TRAM1: variants seen among roughly 807,000 people sequenced by gnomAD.
TRAM1 encodes the protein translocation associated membrane protein 1.
In TRAM1, 17 loss-of-function variants were observed where a neutral mutation model predicts 48.7. The observed-to-expected ratio is 0.35, with a 90% CI of 0.24 to 0.52. The LOEUF is 0.52. TRAM1 is among the 20% of genes least tolerant of loss of function. The probability of loss-of-function intolerance (pLI) is 0.94; values close to 1 mark genes in which losing one functional copy is unlikely to be tolerated. For missense variants in TRAM1, 351 were observed against 441.5 expected (o/e 0.79, Z 1.84); for synonymous variants, 182 against 154.0 (o/e 1.18, Z -1.34).
chr8:70,590,749 G>A (rs1352077522), intron 6 of TRAM1, among the ~76,000 whole-genome samples: 1 of 152,178 alleles, frequency 6.6e-6, no homozygotes, highest in Non-Finnish European at 1.5e-5. Context: ...ACCATCAAAT[G>A]CCTATGCAAA....
Position 70,608,141 on chromosome 8 carries a change from A to C in TRAM1, c.59T>G (p.Leu20Arg). 1.3e-6 allele frequency: 2 copies of C among 1,599,754 alleles called. No individual in the cohort carries two copies. Among genetic ancestry groups the C allele is most frequent in the Non-Finnish European group, 1.7e-6 (2 of 1,174,028 alleles). The change falls in exon 1 of 11, where the codon CTG becomes CGG. Residue 20 changes from leucine to arginine, a missense_variant. Transcript: ENST00000262213. ...GGAGACGATGTCCGCGTGATTCTGC[A>C]GGACGAATTCGTGGCTCAGCACTGG... ...SPPVLSHEFV[L>R]QNHADIVSCV...
At chr8:70,606,803 A>C (rs1817729502) in intron 1 of TRAM1, 1 of 782,820 alleles carries the variant, frequency 1.3e-6, no homozygotes, top group South Asian at 5.8e-5. Flanking sequence ...GGCGAAAATA[A>C]GGTTAAAATA....
chr8:70,603,535 G>A (rs1282888107), intron 1 of TRAM1, among the ~76,000 whole-genome samples: 5 of 152,122 alleles, frequency 3.3e-5, no homozygotes, highest in African/African-American at 1.2e-4. Context: ...TGGCCAACAT[G>A]GTGAAACCTC....
At chr8:70,578,919 G>A (rs774883532) in intron 10 of TRAM1, among the ~76,000 whole-genome samples, 3 of 152,146 alleles carry the variant, frequency 2.0e-5, no homozygotes, top group Non-Finnish European at 2.9e-5. Flanking sequence ...TGCTTTCCAC[G>A]GTTTCAGTTA....
chr8:70,578,601 C>G (rs1207331228), intron 10 of TRAM1, among the ~76,000 whole-genome samples: 1 of 152,220 alleles, frequency 6.6e-6, no homozygotes, highest in East Asian at 1.9e-4. Flanking sequence ...CCACTGCACT[C>G]CAGCCTGGGC....
chr8:70,589,410 A>G (rs538401020), intron 6 of TRAM1, among the ~76,000 whole-genome samples: 2 of 152,358 alleles, frequency 1.3e-5, no homozygotes, highest in East Asian at 3.9e-4. Context: ...ACTTAGTATT[A>G]TCAATGCAAT....
intron 10 of TRAM1, among the ~76,000 whole-genome samples, chr8:70,580,228 T>A (rs1488670803): frequency 6.6e-6 from 1 of 152,170 alleles, no homozygotes; most frequent in Admixed American, 6.5e-5. Context: ...ATCTTGATAC[T>A]AAAACCAGAC....
chr8:70,583,738 A>G lies in TRAM1; in HGVS notation c.802T>C (p.Ser268Pro). 1 of 1,604,326 alleles carries G rather than the reference A, an allele frequency of 6.2e-7. No individual in the cohort carries two copies. The highest frequency in any genetic ancestry group is 8.5e-7 in the Non-Finnish European group (1 of 1,177,024). The change falls in exon 9 of 11, where the codon TCA becomes CCA. Residue 268 changes from serine to proline, a missense_variant. By Grantham distance (74) the Ser-to-Pro change is moderately conservative (BLOSUM62 -1). Coordinates refer to ENST00000262213, the MANE Select transcript of TRAM1 (RefSeq NM_014294.6). The stretch of plus-strand genomic sequence containing the variant: ...AGGCCAAAACCAACAGTCAGTACTG[A>G]AAGAATTAAAGTCAGAAGTCTTCCC... ...VLGRLLTLIL[S>P]VLTVGFGLAR...
chr8:70,606,889 G>T, intron 1 of TRAM1: 1 of 984,670 alleles, frequency 1.0e-6, no homozygotes, highest in Non-Finnish European at 1.2e-6. Context: ...TTTGGTCACT[G>T]GTAATATCAT....
intron 1 of TRAM1, among the ~76,000 whole-genome samples, chr8:70,600,877 T>A (rs911587476): frequency 6.6e-6 from 1 of 152,032 alleles, no homozygotes; most frequent in East Asian, 1.9e-4. Flanking sequence ...CAAAGGGGGA[T>A]GAAGAGGACA....
intron 10 of TRAM1, among the ~76,000 whole-genome samples, chr8:70,580,455 A>G (rs1397106359): frequency 6.6e-6 from 1 of 152,198 alleles, no homozygotes; most frequent in Admixed American, 6.5e-5. Context: ...AAACCCCACA[A>G]GGTTATCTCA....
chr8:70,583,349 G>A (rs933556200), intron 9 of TRAM1, 25 bp from the exon 10 acceptor site: 2 of 1,603,640 alleles, frequency 1.2e-6, no homozygotes, highest in African/African-American at 2.7e-5. Flanking sequence ...GACATAAAAA[G>A]TTAGTGTATA....
rs35449323 is a variant in TRAM1, at chr8:70,597,668, C to CAAAA, written c.426+223_426+226dup. Among the ~76,000 whole-genome samples the CAAAA allele has an allele frequency of 3.0e-3, 106 of 35,272 alleles. 1 individual carries two copies. Among genetic ancestry groups the CAAAA allele is most frequent in the Admixed American group, 3.2e-3 (7 of 2,172 alleles). The allele number at this position is 35,272 out of a possible 152,430, so 23.1% of individuals were successfully genotyped here. On this transcript the variant is annotated intron_variant, in intron 4 of 10. Transcript: ENST00000262213. ...CTGGAGACAGAGCGAGACTCTGTCTCAAAAAAAAAAAAAAAAAAAAAAAAG... is the reference window on the plus strand; with the variant it reads ...CTGGAGACAGAGCGAGACTCTGTCTCAAAAAAAAAAAAAAAAAAAAAAAAAAAAG...
At chr8:70,607,479 C>G in intron 1 of TRAM1, 1 of 985,498 alleles carries the variant, frequency 1.0e-6, no homozygotes, top group Non-Finnish European at 1.2e-6. Flanking sequence ...CGGCGGCCAC[C>G]GCCCTTCAAG....
intron 1 of TRAM1, chr8:70,607,547 G>T: frequency 1.1e-6 from 1 of 949,590 alleles, no homozygotes; most frequent in Non-Finnish European, 1.3e-6. Context: ...AGCTACCGGG[G>T]GCTCCCCTGT....
At chr8:70,578,984 A>AG (rs1248834035) in intron 10 of TRAM1, among the ~76,000 whole-genome samples, 1 of 152,214 alleles carries the variant, frequency 6.6e-6, no homozygotes, top group Non-Finnish European at 1.5e-5. Context: ...ATTTTGAGAG[A>AG]GAAAAATACC....
Position 70,583,786 on chromosome 8 carries a change from G to C in TRAM1, c.754C>G (p.Leu252Val). 6.5e-7 allele frequency: 1 copy of C among 1,535,518 alleles called. No individual in the cohort carries two copies. The highest frequency in any genetic ancestry group is 8.7e-7 in the Non-Finnish European group (1 of 1,147,932). ...SNEKYQKGFS[L>V]WAVLFVLGRL... ...CCCAAAACAAAAAGAACTGCCCACA[G>C]AGAAAATCTGCAAGAAAAAGGCCGT... is the stretch of plus-strand genomic sequence containing the variant. Residue 252 changes from leucine (L) to valine (V), a missense_variant, in exon 9 of 11, where the codon CTG becomes GTG. By Grantham distance (32) the Leu-to-Val change is conservative. Coordinates refer to ENST00000262213, the MANE Select transcript of TRAM1 (RefSeq NM_014294.6).
Position 70,608,213 on chromosome 8 carries a change from C to T in TRAM1, c.-14G>A. 6.3e-7 allele frequency: 1 copy of T among 1,583,414 alleles called. No homozygotes were observed. Among genetic ancestry groups the T allele is most frequent in the South Asian group, 1.1e-5 (1 of 88,588 alleles). On this transcript the variant is annotated 5_prime_UTR_variant, in exon 1 of 11. Transcript: ENST00000262213. The stretch of plus-strand genomic sequence containing the variant: ...GCGAATCGCCATGGTGGGGCCGCCG[C>T]CCGCGCCTGCAGGTGCTCCGCCCCG...
intron 1 of TRAM1, among the ~76,000 whole-genome samples, chr8:70,604,227 A>G: frequency 2.3e-5 from 1 of 43,908 alleles, no homozygotes; most frequent in East Asian, 3.4e-4. Context: ...GCTGTATGCA[A>G]TGTCATAAAT....
Sources: allele counts gnomAD v4.1 joint callset (sites outside exome capture counted in the v4.1 genomes callset), GRCh38; gene constraint gnomAD v4.1.1; transcripts MANE v1.5; gene names NCBI Gene and HGNC (gene_info 2026-07-23, HGNC 2026-07-21).